SLCO1A2: variants seen among roughly 807,000 people sequenced by gnomAD.
The protein encoded by SLCO1A2 is solute carrier organic anion transporter family member 1A2, also known as OATP-1.
In SLCO1A2, 67 loss-of-function variants were observed where a neutral mutation model predicts 69.0. The observed-to-expected ratio is 0.97, with a 90% CI of 0.80 to 1.19. The LOEUF is 1.19. Ranked by LOEUF, SLCO1A2 falls within the 50% of genes most tolerant of loss-of-function variation. The pLI, the probability that SLCO1A2 is intolerant of heterozygous loss-of-function variation, is 0.00. For synonymous variants in SLCO1A2, 260 were observed against 265.9 expected (o/e 0.98, Z 0.22); for missense variants, 787 against 793.7 (o/e 0.99, Z 0.10).
chr12:21,350,679 C>CA (rs1353208757), intron 2 of SLCO1A2, among the ~76,000 whole-genome samples: 111 of 150,706 alleles, frequency 7.4e-4, no homozygotes, highest in Middle Eastern at 3.4e-3. Context: ...TACTAAAATA[C>CA]AAAAAAAATT....
intron 2 of SLCO1A2, among the ~76,000 whole-genome samples, chr12:21,348,668 T>C (rs1177415316): frequency 6.6e-6 from 1 of 152,204 alleles, no homozygotes; most frequent in African/African-American, 2.4e-5. Flanking sequence ...TCATTTTCCA[T>C]TGCACTTTGA....
intron 2 of SLCO1A2, among the ~76,000 whole-genome samples, chr12:21,325,290 C>A (rs975200142): frequency 3.3e-5 from 5 of 152,070 alleles, no homozygotes; most frequent in Admixed American, 2.0e-4. Flanking sequence ...AGATACAATA[C>A]CAATTTTCAC....
At chr12:21,333,328 A>G (rs1320293906) in intron 2 of SLCO1A2, among the ~76,000 whole-genome samples, 9 of 152,092 alleles carry the variant, frequency 5.9e-5, no homozygotes, top group African/African-American at 2.2e-4. Flanking sequence ...ATTCTGACTC[A>G]TGTCTAGTGC....
At chr12:21,287,670 A>C (rs1358857388) in intron 12 of SLCO1A2, among the ~76,000 whole-genome samples, 1 of 126,164 alleles carries the variant, frequency 7.9e-6, no homozygotes, top group African/African-American at 3.2e-5. Context: ...ACCATGGAAT[A>C]CTATGCAGCC....
chr12:21,296,970 G>A (rs919966128), intron 9 of SLCO1A2, among the ~76,000 whole-genome samples: 2 of 152,154 alleles, frequency 1.3e-5, no homozygotes, highest in African/African-American at 4.8e-5. Flanking sequence ...TGTGGCTGCA[G>A]AGACACCTAA....
chr12:21,377,652 A>T (rs537856189), intron 1 of SLCO1A2, among the ~76,000 whole-genome samples: 7 of 152,234 alleles, frequency 4.6e-5, no homozygotes, highest in Admixed American at 1.3e-4. Context: ...CATGGAACCA[A>T]GTGGTATTTA....
chr12:21,373,359 T>C, intron 2 of SLCO1A2: 2 of 1,612,074 alleles, frequency 1.2e-6, no homozygotes, highest in Non-Finnish European at 1.7e-6. Flanking sequence ...GCAATGGGCA[T>C]CCTGAAGCTG....
chr12:21,333,900 A>C (rs1952761669), intron 2 of SLCO1A2, among the ~76,000 whole-genome samples: 1 of 152,052 alleles, frequency 6.6e-6, no homozygotes, highest in Non-Finnish European at 1.5e-5. Context: ...AAATTTCCCC[A>C]ACACACATAT....
intron 1 of SLCO1A2, among the ~76,000 whole-genome samples, chr12:21,401,785 C>A (rs191381433): frequency 1.8e-3 from 271 of 151,750 alleles, no homozygotes; most frequent in African/African-American, 5.7e-3. Flanking sequence ...ATTACAATAA[C>A]ATGTTATGAC....
At chr12:21,282,393 G>A (rs1468997102) in intron 12 of SLCO1A2, among the ~76,000 whole-genome samples, 1 of 142,986 alleles carries the variant, frequency 7.0e-6, no homozygotes, top group Non-Finnish European at 1.5e-5. Flanking sequence ...TCGCTTTATG[G>A]TAAAAAAAAA....
chr12:21,408,358 C>G (rs1158495419), intron 1 of SLCO1A2, among the ~76,000 whole-genome samples: 1 of 152,062 alleles, frequency 6.6e-6, no homozygotes, highest in Non-Finnish European at 1.5e-5. Flanking sequence ...GAATAAATAT[C>G]TACCCAAGGT....
chr12:21,358,802 C>CCTACCAA (rs1260077225), intron 2 of SLCO1A2, among the ~76,000 whole-genome samples: 2 of 152,004 alleles, frequency 1.3e-5, no homozygotes, highest in Non-Finnish European at 2.9e-5. Flanking sequence ...AATTCTAATA[C>CCTACCAA]ATAAGTCTAA....
chr12:21,293,453 T>C (rs1029010356), intron 11 of SLCO1A2, among the ~76,000 whole-genome samples: 1 of 152,114 alleles, frequency 6.6e-6, no homozygotes, highest in Non-Finnish European at 1.5e-5. Context: ...ACAATTGATG[T>C]TATATTATAT....
At position 21,395,289 on chromosome 12, in the gene SLCO1A2, C is replaced by T. The variant is rs186673859; in HGVS notation, c.-573G>A. The T allele has an allele frequency of 3.8e-3, 574 of 152,968 alleles. 5 individuals carry two copies. The highest frequency in any genetic ancestry group is 4.4e-3 in the Non-Finnish European group (303 of 68,538). The allele number at this position is 152,968 out of a possible 1,614,324, so 9.5% of individuals were successfully genotyped here. A position where few individuals can be genotyped will look rare whatever the true frequency, so the allele number is the denominator to read the frequency against. ...ACGCACCTGGAAAATCGGGTCACTCCCACCCGAATACTGCGCTCTTCCAAC... is the reference window on the plus strand; with the variant it reads ...ACGCACCTGGAAAATCGGGTCACTCTCACCCGAATACTGCGCTCTTCCAAC... On this transcript the variant is annotated 5_prime_UTR_variant, in exon 1 of 16. Coordinates refer to the SLCO1A2 transcript ENST00000307378.
chr12:21,408,405 C>A (rs1223125505), intron 1 of SLCO1A2, among the ~76,000 whole-genome samples: 2 of 152,070 alleles, frequency 1.3e-5, no homozygotes, highest in Non-Finnish European at 2.9e-5. Context: ...AACATAGAGT[C>A]CTTTAAGTTG....
chr12:21,347,775 T>C (rs1223806904), intron 2 of SLCO1A2, among the ~76,000 whole-genome samples: 1 of 152,070 alleles, frequency 6.6e-6, no homozygotes, highest in Non-Finnish European at 1.5e-5. Flanking sequence ...ATTATATAAA[T>C]AGCACTTATA....
chr12:21,372,239 C>T (rs1307742384), intron 2 of SLCO1A2, among the ~76,000 whole-genome samples: 1 of 152,158 alleles, frequency 6.6e-6, no homozygotes, highest in Non-Finnish European at 1.5e-5. Context: ...TACTTGACTA[C>T]ATATACCTAT....
chr12:21,312,014 AGGAGGGAGGAGG>A (rs1950247204), intron 4 of SLCO1A2, among the ~76,000 whole-genome samples: 1 of 149,694 alleles, frequency 6.7e-6, no homozygotes, highest in African/African-American at 2.5e-5. Flanking sequence ...GAAGAAGAGG[AGGAGGGAGGAGG>A]AGAAGAAGAA....
chr12:21,403,733 T>TTC (rs1228026283), intron 1 of SLCO1A2: 1 of 149,670 alleles, frequency 6.7e-6, no homozygotes, highest in African/African-American at 2.4e-5. Flanking sequence ...TTTTTTTTTT[T>TTC]TGGTGGTTGT....
Sources: gnomAD v4.1 joint callset for allele counts (sites outside exome capture counted in the v4.1 genomes callset) on GRCh38, gnomAD v4.1.1 for gene constraint, MANE v1.5 for transcripts, NCBI Gene and HGNC (gene_info 2026-07-23, HGNC 2026-07-21) for gene names.